GLE1: variants seen among roughly 807,000 people sequenced by gnomAD.
GLE1 encodes GLE1 RNA export mediator.
A neutral mutation model predicts 97.3 loss-of-function variants in GLE1; 78 were observed. The observed-to-expected ratio is 0.80, with a 90% CI of 0.67 to 0.97. The LOEUF is 0.97. GLE1 is among the 50% of genes least tolerant of loss of function. The pLI is 0.00. For missense variants in GLE1, 753 were observed against 857.5 expected, an observed-to-expected ratio of 0.88 and a Z score of 1.52; for synonymous variants, 302 against 313.4, an observed-to-expected ratio of 0.96 and a Z score of 0.39.
At chr9:128,523,519 T>C in intron 5 of GLE1, 73 bp from the exon 6 acceptor site, 1 of 1,578,314 alleles carries the variant, frequency 6.3e-7, no homozygotes, top group Middle Eastern at 2.1e-4. Flanking sequence ...GTAGCCCACG[T>C]AGAATTTGAG....
intron 11 of GLE1, among the ~76,000 whole-genome samples, chr9:128,535,716 G>A (rs1374159642): frequency 1.3e-5 from 2 of 152,060 alleles, no homozygotes; most frequent in Non-Finnish European, 2.9e-5. Flanking sequence ...AGCTACTCGG[G>A]AGGCAGAGGC....
intron 2 of GLE1, among the ~76,000 whole-genome samples, chr9:128,511,787 G>A (rs1018286406): frequency 1.7e-4 from 26 of 151,566 alleles, no homozygotes; most frequent in Non-Finnish European, 3.4e-4. Flanking sequence ...AACATAACCA[G>A]AATCTAGGGC....
At chr9:128,540,689 A>C (rs1043863414) in intron 15 of GLE1, 6 of 369,346 alleles carry the variant, frequency 1.6e-5, no homozygotes, top group African/African-American at 1.2e-4. Context: ...TCTCCATGAG[A>C]TCAAACTGCA....
At chr9:128,540,245 T>C (rs1361167512) in intron 14 of GLE1, 30 bp from the exon 15 acceptor site, 1 of 1,447,934 alleles carries the variant, frequency 6.9e-7, no homozygotes, top group East Asian at 2.3e-5. Context: ...ATATCATAGG[T>C]GTGATTCATG....
rs1247745467 is a variant in GLE1 at position 128,536,282 on chromosome 9, C to T, written c.1647-73C>T. ...CTCCTGGCCTCAAGTGATCTGCCCA[C>T]CTTGGCCTCCCAAAGTGCTGGGATT... On this transcript the variant is annotated intron_variant, in intron 11 of 15. Transcript: ENST00000309971. 4.1e-6 allele frequency: 5 copies of T among 1,232,958 alleles called. No homozygotes were observed. The African/African-American group carries it at 6.0e-5, about 15-fold the overall frequency. The allele number at this position is 1,232,958 out of a possible 1,614,324, so 76.4% of individuals were successfully genotyped here. A position where few individuals can be genotyped will look rare whatever the true frequency, so the allele number is the denominator to read the frequency against.
rs200000562 is a variant in GLE1 at position 128,523,653 on chromosome 9, G to A, written c.704G>A (p.Arg235Gln). The A allele has an allele frequency of 3.4e-5, 55 of 1,614,102 alleles. No individual in the cohort carries two copies. Among genetic ancestry groups the A allele is most frequent in the Non-Finnish European group, 3.3e-5 (39 of 1,179,990 alleles). ...CGCGTGAAGCAAGCAGAACAGGAGC[G>A]GCTTCGGAAGGAAGAAGGCCAGATC... ...QQRVKQAEQE[R>Q]LRKEEGQIRL... The change falls in exon 6 of 16, where the codon CGG (arginine) becomes CAG (glutamine). Residue 235 changes from arginine (R) to glutamine (Q), a missense_variant. Transcript: ENST00000309971.
chr9:128,534,718 AT>A (rs978222035), intron 11 of GLE1, among the ~76,000 whole-genome samples: 4 of 151,196 alleles, frequency 2.6e-5, no homozygotes, highest in African/African-American at 7.3e-5. Context: ...CATATTTTTT[AT>A]TTTTTTTATT....
chr9:128,527,321 G>T lies in GLE1; in HGVS notation c.1242+30G>T, dbSNP rs869455. 0.22 allele frequency: 300,886 copies of T among 1,397,660 alleles called. 34,055 individuals are homozygous for T. Among genetic ancestry groups the T allele is most frequent in the East Asian group, 0.39 (17,299 of 43,884 alleles). The allele number at this position is 1,397,660 out of a possible 1,614,324, so 86.6% of individuals were successfully genotyped here. A position where few individuals can be genotyped will look rare whatever the true frequency, so the allele number is the denominator to read the frequency against. On this transcript the variant is annotated intron_variant, in intron 8 of 15. Coordinates refer to ENST00000309971, the MANE Select transcript of GLE1 (RefSeq NM_001003722.2). ...GGGAGAGGTATATGGCAGTAATTTTGTGGACTTGATGGTTCTCAGAGAATG... is the reference window on the plus strand; with the variant it reads ...GGGAGAGGTATATGGCAGTAATTTTTTGGACTTGATGGTTCTCAGAGAATG...
At chr9:128,527,546 A>C (rs781720976) in intron 9 of GLE1, 21 bp downstream of exon 9, 7 of 1,422,122 alleles carry the variant, frequency 4.9e-6, no homozygotes, top group African/African-American at 1.4e-5. Flanking sequence ...GGGGTTGAGA[A>C]CATGACCTTT....
intron 1 of GLE1, among the ~76,000 whole-genome samples, 155 bp downstream of exon 1, chr9:128,505,059 G>A (rs1008605671): frequency 3.3e-5 from 5 of 152,196 alleles, no homozygotes; most frequent in Admixed American, 3.3e-4. Context: ...CTGTCCTGGG[G>A]TTTCTGTCCT....
At position 128,541,221 on chromosome 9, in the gene GLE1, G is replaced by T. The variant is rs768817331; in HGVS notation, c.*51G>T. 1 of 1,001,172 alleles carries T rather than the reference G, an allele frequency of 1.0e-6. No homozygotes were observed. The highest frequency in any genetic ancestry group is 1.6e-6 in the Non-Finnish European group (1 of 619,332). The allele number at this position is 1,001,172 out of a possible 1,614,324, so 62.0% of individuals were successfully genotyped here. A position where few individuals can be genotyped will look rare whatever the true frequency, so the allele number is the denominator to read the frequency against. ...GCTGCTGCAAAGAGGCAATAATAAA[G>T]GAACTGAAGACAGCTGTATTTGGGA... On this transcript the variant is annotated 3_prime_UTR_variant, in exon 16 of 16. Transcript: ENST00000309971.
chr9:128,521,786 C>A (rs1413081511), intron 3 of GLE1, among the ~76,000 whole-genome samples: 1 of 152,266 alleles, frequency 6.6e-6, no homozygotes, highest in Non-Finnish European at 1.5e-5. Flanking sequence ...CACACACATA[C>A]AAGCATTTCC....
chr9:128,509,217 G>A lies in GLE1; in HGVS notation c.321+120G>A, dbSNP rs187010652. 1.6e-4 allele frequency: 116 copies of A among 727,378 alleles called. No individual in the cohort carries two copies. In the East Asian group the frequency reaches 2.9e-3, roughly 18 times the overall value. 45.1% of individuals were successfully genotyped at this position (727,378 alleles called of 1,614,324 possible). The stretch of plus-strand genomic sequence containing the variant: ...ATAATGATTGCTCATTGTTGTAGCT[G>A]TTGTAGAGACAATGTTGACAGCACC... On this transcript the variant is annotated intron_variant, in intron 2 of 15. Coordinates refer to ENST00000309971, the MANE Select transcript of GLE1 (RefSeq NM_001003722.2).
At chr9:128,527,552 C>G in intron 9 of GLE1, 27 bp downstream of exon 9, 1 of 1,336,060 alleles carries the variant, frequency 7.5e-7, no homozygotes, top group Non-Finnish European at 1.1e-6. Flanking sequence ...GAGAACATGA[C>G]CTTTCATTTC....
intron 15 of GLE1, chr9:128,540,608 T>TA (rs1449208621): frequency 1.0e-5 from 4 of 392,698 alleles, no homozygotes; most frequent in Admixed American, 4.1e-5. Context: ...TTAATATATA[T>TA]TTTTTTTGCA....
At position 128,509,032 on chromosome 9, in the gene GLE1, C is replaced by A. The variant is rs372845496; in HGVS notation, c.256C>A (p.Pro86Thr). 6.2e-7 allele frequency: 1 copy of A among 1,613,880 alleles called. No individual in the cohort carries two copies. Among genetic ancestry groups the A allele is most frequent in the South Asian group, 1.1e-5 (1 of 91,070 alleles). Reference sequence around the variant, plus strand: ...AGCCCTAGATCAACCCTCATTTGTTCCCAAATCTCCTGACGCAAGCTCTGC... The same window carrying A: ...AGCCCTAGATCAACCCTCATTTGTTACCAAATCTCCTGACGCAAGCTCTGC... ...ASALDQPSFV[P>T]KSPDASSAFS... Residue 86 changes from proline (P) to threonine (T), a missense_variant, in exon 2 of 16, where the codon CCC becomes ACC. Coordinates refer to ENST00000309971, the MANE Select transcript of GLE1 (RefSeq NM_001003722.2).
Position 128,527,212 on chromosome 9 carries a change from A to G in GLE1, c.1163A>G (p.Gln388Arg). 1.2e-6 allele frequency: 2 copies of G among 1,609,500 alleles called. No homozygotes were observed. The highest frequency in any genetic ancestry group is 1.1e-5 in the South Asian group (1 of 91,000). Residue 388 changes from glutamine (Q) to arginine (R), a missense_variant, in exon 8 of 16, where the codon CAG (glutamine) becomes CGG (arginine). Coordinates refer to ENST00000309971, the MANE Select transcript of GLE1 (RefSeq NM_001003722.2). ...LQVKVQDITMQWYQQLQDASM... is the reference protein window; with the variant it reads ...LQVKVQDITMRWYQQLQDASM... Reference sequence around the variant, plus strand: ...GTGAAGGTACAAGACATTACAATGCAGTGGTACCAGCAGCTGCAGGATGCT... The same window carrying G: ...GTGAAGGTACAAGACATTACAATGCGGTGGTACCAGCAGCTGCAGGATGCT...
chr9:128,507,156 A>G (rs1448324603), intron 1 of GLE1, among the ~76,000 whole-genome samples: 1 of 152,164 alleles, frequency 6.6e-6, no homozygotes, highest in Non-Finnish European at 1.5e-5. Flanking sequence ...GCTCATTATT[A>G]CTACTAAGGG....
Position 128,515,952 on chromosome 9 carries a change from C to CT in GLE1, c.432+328dup, listed in dbSNP as rs58485540. 0.32 allele frequency among the ~76,000 whole-genome samples: 44,747 copies of CT among 139,754 alleles called. 8,130 individuals are homozygous for CT. Among genetic ancestry groups the CT allele is most frequent in the African/African-American group, 0.49 (18,634 of 37,692 alleles). The allele number at this position is 139,754 out of a possible 152,430, so 91.7% of individuals were successfully genotyped here. A position where few individuals can be genotyped will look rare whatever the true frequency, so the allele number is the denominator to read the frequency against. ...TTCTGAGAAAATGGGACCTTAGCCT[C>CT]TTTTTTTTTTTTTTTGAGGTGGAGT... On this transcript the variant is annotated intron_variant, in intron 3 of 15. Coordinates refer to ENST00000309971, the MANE Select transcript of GLE1 (RefSeq NM_001003722.2).
Sources: allele counts gnomAD v4.1 joint callset (sites outside exome capture counted in the v4.1 genomes callset), GRCh38; gene constraint gnomAD v4.1.1; transcripts MANE v1.5; gene names NCBI Gene and HGNC (gene_info 2026-07-23, HGNC 2026-07-21).